Variants in SLC7A8 observed in about 807,000 individuals in gnomAD.
The protein encoded by SLC7A8 is solute carrier family 7 member 8.
In SLC7A8, 30 loss-of-function variants were observed where a neutral mutation model predicts 51.2. The observed-to-expected ratio is 0.59, with a 90% CI of 0.44 to 0.80. The LOEUF (loss-of-function observed/expected upper bound fraction) is 0.80, where lower values mean the gene tolerates loss of function less well. SLC7A8 is among the 30% of genes least tolerant of loss of function. SLC7A8 has a pLI of 0.00. For missense variants in SLC7A8, 612 were observed against 674.4 expected (o/e 0.91, Z 1.03); for synonymous variants, 257 against 275.8 (o/e 0.93, Z 0.67).
intron 3 of SLC7A8, among the ~76,000 whole-genome samples, chr14:23,161,142 C>T (rs976622122): frequency 1.6e-4 from 25 of 152,104 alleles, no homozygotes; most frequent in Non-Finnish European, 3.4e-4. Context: ...GCTCAGGATC[C>T]GGCAGGCAAG....
At chr14:23,175,866 C>T (rs551022489) in intron 1 of SLC7A8, among the ~76,000 whole-genome samples, 1 of 152,302 alleles carries the variant, frequency 6.6e-6, no homozygotes, top group South Asian at 2.1e-4. Context: ...GCAATGTATG[C>T]TCAGTAAATG....
intron 1 of SLC7A8, among the ~76,000 whole-genome samples, chr14:23,180,991 C>T (rs981537441): frequency 3.3e-5 from 5 of 152,032 alleles, no homozygotes; most frequent in African/African-American, 9.7e-5. Context: ...CGCGCCACTG[C>T]ACTCCAGCCT....
intron 1 of SLC7A8, among the ~76,000 whole-genome samples, chr14:23,172,184 G>A (rs901862418): frequency 6.6e-6 from 1 of 152,190 alleles, no homozygotes; most frequent in African/African-American, 2.4e-5. Flanking sequence ...ACAAATGTAA[G>A]GAATGGCTAG....
chr14:23,169,255 G>A (rs547439370), intron 1 of SLC7A8, among the ~76,000 whole-genome samples: 1 of 152,156 alleles, frequency 6.6e-6, no homozygotes, highest in Non-Finnish European at 1.5e-5. Flanking sequence ...ATACTAGAGA[G>A]GCTGAGGTGG....
chr14:23,160,286 G>C (rs1382937053), intron 3 of SLC7A8, among the ~76,000 whole-genome samples: 3 of 152,198 alleles, frequency 2.0e-5, no homozygotes, highest in African/African-American at 7.2e-5. Flanking sequence ...ACGGCAAGCT[G>C]TAGGCCGGGT....
At chr14:23,130,584 AAAAAC>A (rs141620731) in intron 8 of SLC7A8, among the ~76,000 whole-genome samples, 2,016 of 152,264 alleles carry the variant, frequency 0.013, 41 homozygotes, top group African/African-American at 0.046. Flanking sequence ...TCTAACTGGA[AAAAAC>A]AAAACAAAAC....
intron 1 of SLC7A8, among the ~76,000 whole-genome samples, chr14:23,168,237 C>T (rs2048959555): frequency 6.6e-6 from 1 of 152,186 alleles, no homozygotes; most frequent in South Asian, 2.1e-4. Context: ...GACAACAGGA[C>T]ATCTTTCAGC....
At chr14:23,140,320 G>C in intron 5 of SLC7A8, 151 bp downstream of exon 5, 2 of 839,012 alleles carry the variant, frequency 2.4e-6, no homozygotes, top group Non-Finnish European at 1.8e-6. Context: ...TAAGTGCCTG[G>C]GAAATGAACT....
chr14:23,139,485 T>G lies in SLC7A8; in HGVS notation c.851A>C (p.Asn284Thr). The change falls in exon 6 of 11, where the codon AAT (asparagine) becomes ACT (threonine). Residue 284 changes from asparagine (N) to threonine (T), a missense_variant. By Grantham distance (65) the Asn-to-Thr change is moderately conservative. Transcript: ENST00000316902. ...GGACATTGCAGTGACATAAGCGACA[T>G]TGGCAAAGACATACACAAATGTGAC... ...PLVTFVYVFA[N>T]VAYVTAMSPQ... 1 of 1,614,094 alleles carries G rather than the reference T, an allele frequency of 6.2e-7. No homozygotes were observed. The highest frequency in any genetic ancestry group is 8.5e-7 in the Non-Finnish European group (1 of 1,179,996).
At chr14:23,134,437 C>CAAAAAAAAAAAAAAAA (rs57162273) in intron 7 of SLC7A8, among the ~76,000 whole-genome samples, 2 of 64,186 alleles carry the variant, frequency 3.1e-5, no homozygotes, top group Non-Finnish European at 2.6e-5. Flanking sequence ...ACCCTGTCTC[C>CAAAAAAAAAAAAAAAA]AAAAAAAAAA....
intron 1 of SLC7A8, among the ~76,000 whole-genome samples, chr14:23,174,590 G>T (rs1050154528): frequency 1.3e-5 from 2 of 152,230 alleles, no homozygotes; most frequent in Non-Finnish European, 2.9e-5. Flanking sequence ...AGACTTGAGG[G>T]ATTATTTTGC....
rs773606128 is a variant in SLC7A8, at chr14:23,137,980, G to A, written c.957C>T (p.Pro319=). 2.5e-6 allele frequency: 4 copies of A among 1,613,828 alleles called. No homozygotes were observed. Among genetic ancestry groups the A allele is most frequent in the Middle Eastern group, 1.6e-4 (1 of 6,062 alleles). ...CAAATGTGGACAGGGCAACAGAAAT[G>A]GGCATGATCCAGGCCATGACTCCTA... ...KLLGVMAWIM[P]ISVALSTFGG... Residue 319 remains proline (P), a synonymous_variant, in exon 7 of 11, where the codon CCC becomes CCT. Coordinates refer to ENST00000316902, the MANE Select transcript of SLC7A8 (RefSeq NM_012244.4).
chr14:23,155,402 T>C lies in SLC7A8; in HGVS notation c.508+9883A>G, dbSNP rs184220038. On this transcript the variant is annotated intron_variant, in intron 3 of 10. Coordinates refer to ENST00000316902, the MANE Select transcript of SLC7A8 (RefSeq NM_012244.4). ...CCTGGCTCTCTCTTCCCCTTCCTTCTTATCCTGTTAGCTCCTGCGCCAGCT... is the reference window on the plus strand; with the variant it reads ...CCTGGCTCTCTCTTCCCCTTCCTTCCTATCCTGTTAGCTCCTGCGCCAGCT... The C allele has an allele frequency of 9.0e-5, 133 of 1,470,708 alleles. No homozygotes were observed. The African/African-American group carries it at 1.7e-3, about 18-fold the overall frequency. 91.1% of individuals were successfully genotyped at this position (1,470,708 alleles called of 1,614,324 possible).
At chr14:23,154,385 G>A (rs1044750569) in intron 3 of SLC7A8, 135 of 997,896 alleles carry the variant, frequency 1.4e-4, no homozygotes, top group Admixed American at 1.8e-4. Context: ...GGGTCTGGGT[G>A]CCCAGGCTGG....
rs373786745 is a variant in SLC7A8 at position 23,136,721 on chromosome 14, G to A, written c.1016+1200C>T. ...CGACTAGACCACATGCACGCAGACC[G>A]CTGCTAGGCCTGCCTGAGGGACAAA... On this transcript the variant is annotated intron_variant, in intron 7 of 10. Transcript: ENST00000316902. Among the ~76,000 whole-genome samples the A allele has an allele frequency of 6.6e-4, 101 of 152,318 alleles. 1 individual carries two copies. In the Middle Eastern group the frequency reaches 0.014, roughly 21 times the overall value.
chr14:23,147,964 AC>A (rs1214761091), intron 3 of SLC7A8, among the ~76,000 whole-genome samples: 7 of 152,192 alleles, frequency 4.6e-5, no homozygotes, highest in Non-Finnish European at 8.8e-5. Flanking sequence ...CAGACCTGCA[AC>A]TGGCTTGCTC....
intron 1 of SLC7A8, among the ~76,000 whole-genome samples, chr14:23,180,542 A>T (rs891776842): frequency 6.6e-6 from 1 of 152,176 alleles, no homozygotes; most frequent in African/African-American, 2.4e-5. Context: ...ATTTCTCTGA[A>T]ATCACATATT....
At chr14:23,148,293 G>C (rs1237833444) in intron 3 of SLC7A8, among the ~76,000 whole-genome samples, 1 of 152,092 alleles carries the variant, frequency 6.6e-6, no homozygotes, top group Non-Finnish European at 1.5e-5. Context: ...CAATGGCGCA[G>C]TCTCAGCTCT....
chr14:23,142,025 T>C (rs956040009), intron 4 of SLC7A8, among the ~76,000 whole-genome samples: 5 of 152,252 alleles, frequency 3.3e-5, no homozygotes, highest in African/African-American at 1.2e-4. Flanking sequence ...TTTGACAAGA[T>C]AGCGCAGTGA....
Sources: gnomAD v4.1 joint callset for allele counts (sites outside exome capture counted in the v4.1 genomes callset) on GRCh38, gnomAD v4.1.1 for gene constraint, MANE v1.5 for transcripts, NCBI Gene and HGNC (gene_info 2026-07-23, HGNC 2026-07-21) for gene names.